NREP: variants seen among roughly 807,000 people sequenced by gnomAD.
NREP encodes the protein neuronal regeneration related protein, also known as neuronal regeneration-related protein.
A neutral mutation model predicts 8.6 loss-of-function variants in NREP; 5 were observed. The observed-to-expected ratio is 0.58, with a 90% CI of 0.30 to 1.22. The LOEUF is 1.22. Ranked by LOEUF, NREP falls within the 50% of genes most tolerant of loss-of-function variation. NREP has a pLI of 0.07. For synonymous variants in NREP, 27 were observed against 28.0 expected, an observed-to-expected ratio of 0.96 and a Z score of 0.11; for missense variants, 86 against 82.5, an observed-to-expected ratio of 1.04 and a Z score of -0.17.
chr5:111,811,877 CG>C lies in NREP; in HGVS notation c.136-76371del, dbSNP rs535149265. 2.6e-3 allele frequency among the ~76,000 whole-genome samples: 397 copies of C among 152,064 alleles called. 2 individuals are homozygous for C. Among genetic ancestry groups the C allele is most frequent in the African/African-American group, 9.3e-3 (387 of 41,446 alleles). On this transcript the variant is annotated intron_variant, in intron 2 of 3. Transcript: ENST00000395634. ...TACTGAGTCCCAGAGAAGCAAAGATCGGTTTACAAAAGGAAAATATAACTTA... is the reference window on the plus strand; with the variant it reads ...TACTGAGTCCCAGAGAAGCAAAGATCGTTTACAAAAGGAAAATATAACTTA...
At chr5:111,945,747 C>T (rs1254331186) in intron 2 of NREP, among the ~76,000 whole-genome samples, 1 of 124,178 alleles carries the variant, frequency 8.1e-6, no homozygotes, top group Non-Finnish European at 1.7e-5. Context: ...GACACTATGT[C>T]TCTATTTCAC....
chr5:111,852,194 T>C (rs1753326326), intron 2 of NREP, among the ~76,000 whole-genome samples: 1 of 152,128 alleles, frequency 6.6e-6, no homozygotes, highest in South Asian at 2.1e-4. Flanking sequence ...ACAATAAGAC[T>C]TTTTCTCCCA....
chr5:111,955,956 CA>C (rs1483183413), intron 2 of NREP, among the ~76,000 whole-genome samples: 2 of 150,162 alleles, frequency 1.3e-5, no homozygotes, highest in Admixed American at 1.3e-4. Context: ...ACCTGGAAAG[CA>C]AATCATTCAC....
At chr5:111,906,933 A>T (rs777570913) in intron 2 of NREP, among the ~76,000 whole-genome samples, 2 of 152,094 alleles carry the variant, frequency 1.3e-5, no homozygotes, top group South Asian at 4.2e-4. Context: ...TTACAAAAAT[A>T]TATTTTTTAA....
chr5:111,808,667 C>A (rs113034574), intron 2 of NREP, among the ~76,000 whole-genome samples: 5 of 152,320 alleles, frequency 3.3e-5, no homozygotes, highest in African/African-American at 1.2e-4. Context: ...TCATAGGACT[C>A]AATTTCGATA....
At chr5:111,940,420 A>G (rs1382450957) in intron 2 of NREP, among the ~76,000 whole-genome samples, 1 of 152,074 alleles carries the variant, frequency 6.6e-6, no homozygotes, top group African/African-American at 2.4e-5. Flanking sequence ...TACAGCAGAC[A>G]TGAAGTCGTA....
chr5:111,739,264 A>C (rs144992696), intron 2 of NREP: 1 of 152,384 alleles, frequency 6.6e-6, no homozygotes, highest in East Asian at 1.9e-4. Flanking sequence ...GGCAGTGAGC[A>C]CATCTGGGAG....
At chr5:111,797,887 A>T (rs1344699169) in intron 2 of NREP, among the ~76,000 whole-genome samples, 1 of 152,188 alleles carries the variant, frequency 6.6e-6, no homozygotes, top group Non-Finnish European at 1.5e-5. Context: ...AGGAAAGTAG[A>T]GTTTAGGTAA....
intron 2 of NREP, among the ~76,000 whole-genome samples, chr5:111,806,869 CAGG>C: frequency 6.6e-6 from 1 of 152,002 alleles, no homozygotes; most frequent in African/African-American, 2.4e-5. Flanking sequence ...ACTTTACTAA[CAGG>C]TTCCTGGTAT....
chr5:111,913,528 G>A (rs958586414), intron 2 of NREP, among the ~76,000 whole-genome samples: 1 of 152,072 alleles, frequency 6.6e-6, no homozygotes, highest in African/African-American at 2.4e-5. Context: ...GATTAACAGG[G>A]ATGTGAGTTC....
At chr5:111,894,518 T>A (rs1444992652) in intron 2 of NREP, among the ~76,000 whole-genome samples, 3 of 152,014 alleles carry the variant, frequency 2.0e-5, no homozygotes, top group Non-Finnish European at 4.4e-5. Flanking sequence ...GAGACTCCTA[T>A]CATTTTCTCT....
chr5:111,877,082 A>G (rs921031321), intron 2 of NREP, among the ~76,000 whole-genome samples: 3 of 152,172 alleles, frequency 2.0e-5, no homozygotes, highest in African/African-American at 7.2e-5. Context: ...TTACTCTGAT[A>G]TTACTGATTC....
intron 2 of NREP, among the ~76,000 whole-genome samples, chr5:111,882,139 G>C (rs994115911): frequency 2.6e-5 from 4 of 152,330 alleles, no homozygotes; most frequent in African/African-American, 9.6e-5. Context: ...GCTTAAAGGA[G>C]CTGATGGAGC....
intron 2 of NREP, among the ~76,000 whole-genome samples, chr5:111,899,195 G>A (rs374298040): frequency 1.4e-3 from 211 of 151,526 alleles, no homozygotes; most frequent in African/African-American, 4.9e-3. Context: ...AGAGAAAGGA[G>A]TCAAATTTTA....
intron 2 of NREP, among the ~76,000 whole-genome samples, chr5:111,803,386 C>A (rs1752062303): frequency 6.6e-6 from 1 of 152,124 alleles, no homozygotes; most frequent in Admixed American, 6.5e-5. Flanking sequence ...TTGCAGGAAT[C>A]AACTAAATTT....
chr5:111,969,179 C>T (rs1756731579), intron 2 of NREP, among the ~76,000 whole-genome samples: 1 of 152,202 alleles, frequency 6.6e-6, no homozygotes, highest in Non-Finnish European at 1.5e-5. Flanking sequence ...AGAATGTTGC[C>T]TGCTCAATGA....
intron 2 of NREP, among the ~76,000 whole-genome samples, chr5:111,774,970 C>A (rs1345940416): frequency 6.6e-6 from 1 of 152,134 alleles, no homozygotes; most frequent in Non-Finnish European, 1.5e-5. Context: ...TGCAAAGATT[C>A]TAATGGGGGA....
At chr5:111,828,051 C>T (rs1443111041) in intron 2 of NREP, among the ~76,000 whole-genome samples, 6 of 150,230 alleles carry the variant, frequency 4.0e-5, no homozygotes, top group African/African-American at 1.5e-4. Flanking sequence ...TTTTTTAAGA[C>T]GGAGTTTCGC....
At chr5:111,880,491 T>C (rs1754026778) in intron 2 of NREP, among the ~76,000 whole-genome samples, 1 of 152,166 alleles carries the variant, frequency 6.6e-6, no homozygotes, top group Non-Finnish European at 1.5e-5. Context: ...CATTGTGTTC[T>C]TGCATGGTCG....
Sources: gnomAD v4.1 joint callset for allele counts (sites outside exome capture counted in the v4.1 genomes callset) on GRCh38, gnomAD v4.1.1 for gene constraint, MANE v1.5 for transcripts, NCBI Gene and HGNC (gene_info 2026-07-23, HGNC 2026-07-21) for gene names.